Variants in TRMT11 observed in about 807,000 individuals in gnomAD.
TRMT11 encodes tRNA (guanine(10)-N(2))-methyltransferase TRMT11.
TRMT11 carries 53 observed loss-of-function variants against 62.8 expected under a neutral mutation model. The observed-to-expected ratio is 0.84, with a 90% CI of 0.68 to 1.06. TRMT11 has a LOEUF of 1.06. Among genes scored for constraint, TRMT11 ranks in the 50% least tolerant of loss-of-function variants. The pLI, the probability that TRMT11 is intolerant of heterozygous loss-of-function variation, is 0.00. For missense variants in TRMT11, 556 were observed against 553.4 expected (o/e 1.00, Z -0.05); for synonymous variants, 188 against 190.3 (o/e 0.99, Z 0.10).
At chr6:126,091,783 G>C (rs1777280394) in intron 17 of TRMT11, among the ~76,000 whole-genome samples, 1 of 152,148 alleles carries the variant, frequency 6.6e-6, no homozygotes, top group African/African-American at 2.4e-5. Context: ...AACTCCAGCA[G>C]CTATCTCTCA....
At chr6:126,015,317 C>T (rs1043959521) in intron 11 of TRMT11, among the ~76,000 whole-genome samples, 2 of 78,746 alleles carry the variant, frequency 2.5e-5, no homozygotes, top group Admixed American at 1.4e-4. Context: ...GCTCCGCCTT[C>T]CGGGTTCACG....
chr6:126,206,722 T>A (rs1054201783), downstream of TRMT11, among the ~76,000 whole-genome samples: 2 of 152,174 alleles, frequency 1.3e-5, no homozygotes, highest in Admixed American at 1.3e-4. Context: ...ATTGACTTCC[T>A]TCAAAACATA....
chr6:126,005,388 TCTTAA>T (rs1793205330), intron 7 of TRMT11, among the ~76,000 whole-genome samples: 1 of 152,082 alleles, frequency 6.6e-6, no homozygotes, highest in South Asian at 2.1e-4. Flanking sequence ...TGGGCAAGAT[TCTTAA>T]CTTGTCTGGG....
intron 21 of TRMT11, among the ~76,000 whole-genome samples, chr6:126,150,240 T>C (rs796242967): frequency 8.5e-5 from 13 of 152,282 alleles, no homozygotes; most frequent in African/African-American, 3.1e-4. Flanking sequence ...TGATACCCTG[T>C]GCAGCTTTGG....
chr6:125,988,038 G>A (rs1256441062), intron 1 of TRMT11, among the ~76,000 whole-genome samples: 2 of 152,178 alleles, frequency 1.3e-5, no homozygotes, highest in Non-Finnish European at 2.9e-5. Flanking sequence ...TGGAAGCATT[G>A]ATATTAAGGG....
the TRMT11 span, among the ~76,000 whole-genome samples, chr6:126,260,743 A>G: frequency 6.6e-6 from 1 of 152,214 alleles, no homozygotes; most frequent in Admixed American, 6.5e-5. Context: ...CTCTTTTACT[A>G]CATCATTCAC....
intron 1 of TRMT11, among the ~76,000 whole-genome samples, chr6:125,992,624 C>T (rs2128742221): frequency 6.6e-6 from 1 of 152,196 alleles, no homozygotes; most frequent in African/African-American, 2.4e-5. Flanking sequence ...ATTCCTGTTT[C>T]ACATTTGAGG....
intron 21 of TRMT11, among the ~76,000 whole-genome samples, chr6:126,172,098 G>T (rs1171056838): frequency 1.3e-5 from 2 of 152,050 alleles, no homozygotes; most frequent in Non-Finnish European, 2.9e-5. Flanking sequence ...ACATTGTTTG[G>T]AGTGGCTGAA....
chr6:126,270,645 T>C, the TRMT11 span, among the ~76,000 whole-genome samples: 1 of 152,160 alleles, frequency 6.6e-6, no homozygotes, highest in Admixed American at 6.5e-5. Flanking sequence ...TGCTGAGGAA[T>C]TAAGCAAAAC....
chr6:126,116,786 T>C (rs1465032843), intron 21 of TRMT11, among the ~76,000 whole-genome samples: 1 of 152,138 alleles, frequency 6.6e-6, no homozygotes, highest in East Asian at 1.9e-4. Flanking sequence ...AACAGTTTTA[T>C]ACAAGCAATA....
chr6:126,144,458 G>T (rs2128217491), intron 21 of TRMT11, among the ~76,000 whole-genome samples: 2 of 152,184 alleles, frequency 1.3e-5, no homozygotes, highest in East Asian at 3.9e-4. Context: ...CTCCTTTTTG[G>T]ATTATGTGAG....
At chr6:126,193,785 C>T (rs960333950) in intron 1 of TRMT11, among the ~76,000 whole-genome samples, 28 of 152,000 alleles carry the variant, frequency 1.8e-4, no homozygotes, top group African/African-American at 6.8e-4. Flanking sequence ...TGCCCGGCCG[C>T]GTTTCTGTGT....
intron 12 of TRMT11, among the ~76,000 whole-genome samples, chr6:126,023,228 C>A (rs373638367): frequency 1.3e-5 from 2 of 152,206 alleles, no homozygotes; most frequent in East Asian, 1.9e-4. Context: ...TGTTTGGCAT[C>A]ATTACAGCCT....
chr6:126,040,222 T>C (rs1015013336), downstream of TRMT11, among the ~76,000 whole-genome samples: 1 of 152,084 alleles, frequency 6.6e-6, no homozygotes, highest in Admixed American at 6.6e-5. Context: ...TTCTGGAAAG[T>C]TGGAATATTA....
intron 17 of TRMT11, among the ~76,000 whole-genome samples, chr6:126,108,741 A>G: frequency 6.6e-6 from 1 of 152,224 alleles, no homozygotes; most frequent in East Asian, 1.9e-4. Flanking sequence ...GGTTAAATGT[A>G]GAAAGATGGA....
At chr6:126,075,099 A>G (rs566229861) in intron 17 of TRMT11, among the ~76,000 whole-genome samples, 1 of 152,160 alleles carries the variant, frequency 6.6e-6, no homozygotes, top group Non-Finnish European at 1.5e-5. Context: ...CTAAATGCCA[A>G]TTAAGTGCTC....
At chr6:126,086,298 A>G (rs993822780) in intron 17 of TRMT11, among the ~76,000 whole-genome samples, 5 of 152,170 alleles carry the variant, frequency 3.3e-5, no homozygotes, top group Non-Finnish European at 5.9e-5. Context: ...AGCAAAATCT[A>G]TTGAAGCCAC....
At chr6:126,216,789 G>A in the TRMT11 span, among the ~76,000 whole-genome samples, 1 of 151,952 alleles carries the variant, frequency 6.6e-6, no homozygotes, top group Admixed American at 6.6e-5. Context: ...CTATCTCTAG[G>A]TTTGTGAAGT....
chr6:126,228,414 G>A, the TRMT11 span, among the ~76,000 whole-genome samples: 1 of 152,194 alleles, frequency 6.6e-6, no homozygotes, highest in African/African-American at 2.4e-5. Flanking sequence ...ACGTACTTGT[G>A]TATGATTATA....
Sources: allele counts gnomAD v4.1 joint callset (sites outside exome capture counted in the v4.1 genomes callset), GRCh38; gene constraint gnomAD v4.1.1; transcripts MANE v1.5; gene names NCBI Gene and HGNC (gene_info 2026-07-23, HGNC 2026-07-21).